Variants in TRRAP observed in about 807,000 individuals in gnomAD.
TRRAP encodes transformation/transcription domain-associated protein.
Under a neutral mutation model 438.8 loss-of-function variants are expected in TRRAP, and 41 were observed. The ratio of observed to expected loss-of-function variants is 0.09; its 90% CI spans 0.07 to 0.12. The LOEUF is 0.12. Among genes scored for constraint, TRRAP ranks in the 10% least tolerant of loss-of-function variants. The pLI, the probability that TRRAP is intolerant of heterozygous loss-of-function variation, is 1.00. For synonymous variants in TRRAP, 1,994 were observed against 1,962.9 expected (o/e 1.02, Z -0.42); for missense variants, 3,122 against 5,055.1 (o/e 0.62, Z 11.60).
intron 7 of TRRAP, among the ~76,000 whole-genome samples, chr7:98,896,357 G>A (rs1183144077): frequency 1.3e-5 from 2 of 152,056 alleles, no homozygotes; most frequent in Admixed American, 6.6e-5. Context: ...ACTCTTGCCA[G>A]TTTGGAATAG....
intron 62 of TRRAP, among the ~76,000 whole-genome samples, chr7:98,987,614 C>T (rs1444320119): frequency 6.6e-6 from 1 of 152,140 alleles, no homozygotes; most frequent in African/African-American, 2.4e-5. Flanking sequence ...TGTATAAGAT[C>T]GTGTCAACTG....
At chr7:98,999,290 A>G (rs1478069989) in intron 67 of TRRAP, 7 of 1,232,068 alleles carry the variant, frequency 5.7e-6, no homozygotes, top group African/African-American at 1.5e-5. Context: ...ACAGTCTACT[A>G]TTAAAGCATT....
chr7:98,936,592 C>G (rs1365113042), intron 28 of TRRAP, among the ~76,000 whole-genome samples: 1 of 152,154 alleles, frequency 6.6e-6, no homozygotes, highest in African/African-American at 2.4e-5. Context: ...AAAGGCTGGG[C>G]TGTGTGTGTC....
At chr7:98,901,162 C>T (rs568519405) in intron 11 of TRRAP, among the ~76,000 whole-genome samples, 1 of 152,372 alleles carries the variant, frequency 6.6e-6, no homozygotes, top group South Asian at 2.1e-4. Flanking sequence ...GCAATTGTCT[C>T]ACAGTTCTGG....
rs555687014 is a variant in TRRAP, at chr7:98,980,496, AAAAAAG to A, written c.8635-1268_8635-1263del. ...TTCTTCAGAAGGTAATGAGCCAAAA[AAAAAAG>A]AAAAGGCCTTTTAGGGCAGAAAGGA... On this transcript the variant is annotated intron_variant, in intron 58 of 72. Transcript: ENST00000456197. Among the ~76,000 whole-genome samples the A allele has an allele frequency of 1.2e-3, 179 of 152,310 alleles. 1 individual carries two copies. The highest frequency in any genetic ancestry group is 3.8e-3 in the African/African-American group (157 of 41,574).
chr7:98,929,851 CCCAGAGTG>C, intron 23 of TRRAP, 130 bp from the exon 24 acceptor site: 7 of 845,522 alleles, frequency 8.3e-6, no homozygotes, highest in Non-Finnish European at 1.3e-5. Context: ...GCCTCGGCCT[CCCAGAGTG>C]CTGGGATTAC....
chr7:98,950,355 C>G, intron 38 of TRRAP, 93 bp downstream of exon 38: 1 of 1,436,416 alleles, frequency 7.0e-7, no homozygotes, highest in South Asian at 1.3e-5. Context: ...CTGTGTCACT[C>G]TTGAATAAAT....
chr7:99,011,651 GC>G lies in TRRAP; in HGVS notation c.11337+118del. The G allele has an allele frequency of 8.3e-7, 1 of 1,199,310 alleles. No individual in the cohort carries two copies. 74.3% of individuals were successfully genotyped at this position (1,199,310 alleles called of 1,614,324 possible). On this transcript the variant is annotated intron_variant, in intron 72 of 72. Coordinates refer to ENST00000456197, the MANE Select transcript of TRRAP (RefSeq NM_001375524.1). The surrounding 1 kb of genome is among the most constrained non-coding windows in gnomAD (Gnocchi z 7.1). ...CACGGGCTCTGCGCTCTCCACAGTG[GC>G]CAGCACCCCTGTGTGTTATGTCCTT...
At chr7:98,966,755 C>G (rs1460878664) in intron 49 of TRRAP, among the ~76,000 whole-genome samples, 1 of 151,884 alleles carries the variant, frequency 6.6e-6, no homozygotes, top group African/African-American at 2.4e-5. Flanking sequence ...ACAAATAATA[C>G]TTAAAGTAAA....
chr7:98,910,889 T>G (rs573117303), intron 16 of TRRAP, among the ~76,000 whole-genome samples, 188 bp from the exon 17 acceptor site: 8 of 132,470 alleles, frequency 6.0e-5, no homozygotes, highest in East Asian at 4.0e-4. Context: ...CACCTAGAGG[T>G]TTTTTTTTTT....
chr7:98,959,952 A>AG (rs1015219468), intron 45 of TRRAP, among the ~76,000 whole-genome samples: 2 of 149,448 alleles, frequency 1.3e-5, no homozygotes, highest in African/African-American at 5.0e-5. Context: ...AAAAAAAAAA[A>AG]AAGAAAAAGA....
chr7:98,879,533 G>C (rs1213608171), intron 1 of TRRAP, among the ~76,000 whole-genome samples: 1 of 151,964 alleles, frequency 6.6e-6, no homozygotes, highest in Admixed American at 6.5e-5. Flanking sequence ...GATAGGGAGA[G>C]ACCGTGATCC....
Position 98,948,177 on chromosome 7 carries a change from C to T in TRRAP, c.4549-44C>T. The T allele has an allele frequency of 6.2e-7, 1 of 1,611,170 alleles. No individual in the cohort carries two copies. Among genetic ancestry groups the T allele is most frequent in the Non-Finnish European group, 8.5e-7 (1 of 1,179,816 alleles). ...TAGTGACGTTGACCTCTGTCACTTG[C>T]AAAATTAATCGACCTGTTTATAATT... On this transcript the variant is annotated intron_variant, in intron 33 of 72. Coordinates refer to ENST00000456197, the MANE Select transcript of TRRAP (RefSeq NM_001375524.1). This position sits in a 1 kb window ranked among gnomAD's most constrained non-coding sequence, Gnocchi z 4.9.
intron 68 of TRRAP, 56 bp downstream of exon 68, chr7:99,004,471 C>G: frequency 6.7e-7 from 1 of 1,502,682 alleles, no homozygotes; most frequent in South Asian, 1.2e-5. Context: ...GGACATGGAG[C>G]CCCATGGGAG....
Position 98,955,203 on chromosome 7 carries a change from C to T in TRRAP, c.5836C>T (p.His1946Tyr). 1 of 1,614,226 alleles carries T rather than the reference C, an allele frequency of 6.2e-7. No homozygotes were observed. The highest frequency in any genetic ancestry group is 8.5e-7 in the Non-Finnish European group (1 of 1,180,046). Residue 1946 changes from histidine to tyrosine, a missense_variant, in exon 41 of 73, where the codon CAC (histidine) becomes TAC (tyrosine). His to Tyr is a moderately conservative substitution (Grantham distance 83, BLOSUM62 2). Coordinates refer to ENST00000456197, the MANE Select transcript of TRRAP (RefSeq NM_001375524.1). ...PAVPARMEDG[H>Y]QMLTHWTRKI... ...GGTGCCGGCCAGGATGGAGGACGGG[C>T]ACCAGATGCTGACCCACTGGACCCG...
chr7:98,961,930 A>G (rs1233042849), intron 46 of TRRAP, among the ~76,000 whole-genome samples: 1 of 152,214 alleles, frequency 6.6e-6, no homozygotes, highest in Non-Finnish European at 1.5e-5. Flanking sequence ...CAAAAAAAGC[A>G]TAGAATGGCA....
chr7:98,946,362 T>C (rs1179780678), intron 33 of TRRAP, among the ~76,000 whole-genome samples: 1 of 152,068 alleles, frequency 6.6e-6, no homozygotes, highest in Non-Finnish European at 1.5e-5. Context: ...TTTAAAACCT[T>C]ACAGCTTGTC....
rs76486363 is a variant in TRRAP, at chr7:99,006,773, T to C, written c.10753+1425T>C. 7.7e-4 allele frequency among the ~76,000 whole-genome samples: 118 copies of C among 152,354 alleles called. 1 individual carries two copies. The East Asian group carries it at 0.021, about 28-fold the overall frequency. ...AATCTTTCAGCTCCCTCCAACTTCA[T>C]TGCAACAAGATATCTGAATATTCCC... On this transcript the variant is annotated intron_variant, in intron 69 of 72. Coordinates refer to ENST00000456197, the MANE Select transcript of TRRAP (RefSeq NM_001375524.1).
intron 12 of TRRAP, among the ~76,000 whole-genome samples, chr7:98,905,214 C>T (rs1270113464): frequency 1.3e-5 from 2 of 152,162 alleles, no homozygotes; most frequent in Non-Finnish European, 2.9e-5. Context: ...CCTGTTGCAT[C>T]CTCTGACCTC....
Sources: allele counts gnomAD v4.1 joint callset (sites outside exome capture counted in the v4.1 genomes callset), GRCh38; gene constraint gnomAD v4.1.1; non-coding constraint Gnocchi (gnomAD v3.1); transcripts MANE v1.5; gene names NCBI Gene and HGNC (gene_info 2026-07-23, HGNC 2026-07-21).